Variants in MROH1 observed in about 807,000 individuals in gnomAD.
The protein encoded by MROH1 is maestro heat like repeat family member 1.
MROH1 carries 117 observed loss-of-function variants against 116.5 expected under a neutral mutation model. The ratio of observed to expected loss-of-function variants is 1.00; its 90% CI spans 0.86 to 1.17. MROH1 has a LOEUF of 1.17. Ranked by LOEUF, MROH1 falls within the 50% of genes most tolerant of loss-of-function variation. The probability of loss-of-function intolerance (pLI) is 0.00; values close to 1 mark genes in which losing one functional copy is unlikely to be tolerated. For missense variants in MROH1, 1,873 were observed against 1,338.5 expected (o/e 1.40, Z -6.23); for synonymous variants, 921 against 583.9 (o/e 1.58, Z -8.32).
At chr8:144,255,458 A>C in intron 34 of MROH1, 51 bp from the exon 35 acceptor site, 1 of 764,858 alleles carries the variant, frequency 1.3e-6, no homozygotes, top group Non-Finnish European at 2.4e-6. Flanking sequence ...CAGGGCTCAG[A>C]TCTCCTGCGG....
At chr8:144,214,277 C>G (rs892685569) in intron 12 of MROH1, 2 of 152,342 alleles carry the variant, frequency 1.3e-5, no homozygotes, top group Non-Finnish European at 2.9e-5. Context: ...CCCCTTCTTC[C>G]AGTGCAGCAC....
At chr8:144,179,859 C>A (rs1454511688) in intron 5 of MROH1, among the ~76,000 whole-genome samples, 2 of 152,150 alleles carry the variant, frequency 1.3e-5, no homozygotes, top group African/African-American at 4.8e-5. Flanking sequence ...AAGGCTGTGC[C>A]CGGCATTGGG....
intron 14 of MROH1, among the ~76,000 whole-genome samples, chr8:144,236,507 G>A (rs1336783880): frequency 2.6e-5 from 4 of 152,132 alleles, no homozygotes; most frequent in East Asian, 1.9e-4. Context: ...TTGGGAGGCC[G>A]AGGTGGGTGG....
At chr8:144,152,695 C>T (rs904727018) in intron 1 of MROH1, among the ~76,000 whole-genome samples, 31 of 152,186 alleles carry the variant, frequency 2.0e-4, no homozygotes, top group African/African-American at 1.2e-4. Flanking sequence ...TACAGGCGCC[C>T]GCCACCACAC....
At chr8:144,156,007 G>A (rs1387300186) in intron 1 of MROH1, among the ~76,000 whole-genome samples, 1 of 151,988 alleles carries the variant, frequency 6.6e-6, no homozygotes, top group East Asian at 2.0e-4. Flanking sequence ...GGGAGGCCGA[G>A]GCGGGTGGAT....
intron 12 of MROH1, among the ~76,000 whole-genome samples, chr8:144,205,418 A>G (rs2131970508): frequency 6.6e-6 from 1 of 152,194 alleles, no homozygotes; most frequent in Admixed American, 6.6e-5. Context: ...ATTGATGACT[A>G]TCTGATTTGA....
Position 144,163,944 on chromosome 8 carries a change from C to T in MROH1, c.22+96C>T. On this transcript the variant is annotated intron_variant, in intron 3 of 43. Transcript: ENST00000326134. The surrounding 1 kb of genome is among the most constrained non-coding windows in gnomAD (Gnocchi z 4.4). ...AGGCTCTTACCAGCTCCAATGGTGC[C>T]TAGAGTTTCCACCCTATACTCGGGA... 1 of 1,352,180 alleles carries T rather than the reference C, an allele frequency of 7.4e-7. No homozygotes were observed. Among genetic ancestry groups the T allele is most frequent in the South Asian group, 1.2e-5 (1 of 80,256 alleles). 83.8% of individuals were successfully genotyped at this position (1,352,180 alleles called of 1,614,324 possible). A position where few individuals can be genotyped will look rare whatever the true frequency, so the allele number is the denominator to read the frequency against.
At chr8:144,257,654 C>T (rs1844143379) in intron 35 of MROH1, among the ~76,000 whole-genome samples, 1 of 152,224 alleles carries the variant, frequency 6.6e-6, no homozygotes, top group African/African-American at 2.4e-5. Context: ...GGCCTGGCCC[C>T]CAGCTTGGCG....
Position 144,244,217 on chromosome 8 carries a change from C to T in MROH1, c.2556-5C>T, listed in dbSNP as rs1291979815. The T allele has an allele frequency of 5.6e-6, 4 of 717,362 alleles. No homozygotes were observed. The South Asian group carries it at 5.9e-5, about 11-fold the overall frequency. 44.4% of individuals were successfully genotyped at this position (717,362 alleles called of 1,614,324 possible). A position where few individuals can be genotyped will look rare whatever the true frequency, so the allele number is the denominator to read the frequency against. ...ATTGTCTGGGGCCCTTAACTTGCCTCTCAGCTCCGTGGAGCCAGCGCTGGA... is the reference window on the plus strand; with the variant it reads ...ATTGTCTGGGGCCCTTAACTTGCCTTTCAGCTCCGTGGAGCCAGCGCTGGA... On this transcript the variant is annotated splice_region_variant and splice_polypyrimidine_tract_variant and intron_variant, in intron 26 of 43. Transcript: ENST00000326134.
chr8:144,163,929 C>G lies in MROH1; in HGVS notation c.22+81C>G. The G allele has an allele frequency of 2.0e-6, 3 of 1,491,936 alleles. No individual in the cohort carries two copies. 92.4% of individuals were successfully genotyped at this position (1,491,936 alleles called of 1,614,324 possible). ...GGTCAGGGCAGGCCAAGGCTCTTAC[C>G]AGCTCCAATGGTGCCTAGAGTTTCC... On this transcript the variant is annotated intron_variant, in intron 3 of 43. Coordinates refer to ENST00000326134, the MANE Select transcript of MROH1 (RefSeq NM_032450.3). The surrounding 1 kb of genome is among the most constrained non-coding windows in gnomAD (Gnocchi z 4.4).
At chr8:144,260,562 C>T (rs1398610917) in intron 39 of MROH1, 115 bp from the exon 40 acceptor site, 7 of 760,240 alleles carry the variant, frequency 9.2e-6, no homozygotes, top group African/African-American at 1.7e-5. Flanking sequence ...CCCCACCCGT[C>T]GGGGTGTTTC....
At chr8:144,181,838 T>A (rs923645171) in intron 7 of MROH1, among the ~76,000 whole-genome samples, 1 of 151,996 alleles carries the variant, frequency 6.6e-6, no homozygotes, top group African/African-American at 2.4e-5. Context: ...CATCGCCCCT[T>A]CCCGCCACTC....
chr8:144,190,004 A>T (rs960103404), intron 7 of MROH1, among the ~76,000 whole-genome samples: 2 of 152,200 alleles, frequency 1.3e-5, no homozygotes, highest in African/African-American at 2.4e-5. Context: ...CAAGCTCAAG[A>T]TGTTGGCAGG....
At chr8:144,218,712 GTCCC>G (rs1835905954) in intron 12 of MROH1, among the ~76,000 whole-genome samples, 1 of 2,720 alleles carries the variant, frequency 3.7e-4, no homozygotes, top group Admixed American at 5.7e-3. Context: ...CTCCCCTCCT[GTCCC>G]CCCTCCCCTC....
intron 1 of MROH1, among the ~76,000 whole-genome samples, chr8:144,157,183 C>T (rs2130716954): frequency 6.6e-6 from 1 of 152,226 alleles, no homozygotes; most frequent in South Asian, 2.1e-4. Flanking sequence ...GTCTCGAACT[C>T]CTGACCTTAT....
Position 144,189,528 on chromosome 8 carries a change from G to A in MROH1, c.563-1256G>A, listed in dbSNP as rs191960883. 3.4e-3 allele frequency among the ~76,000 whole-genome samples: 521 copies of A among 152,218 alleles called. 7 individuals are homozygous for A. The highest frequency in any genetic ancestry group is 1.0e-3 in the Non-Finnish European group (71 of 68,014). Reference sequence around the variant, plus strand: ...CTCCACCCAGATGTCCATACCACTCGAAGCCTGGGTGGCCACCTGCCCAGC... The same window carrying A: ...CTCCACCCAGATGTCCATACCACTCAAAGCCTGGGTGGCCACCTGCCCAGC... On this transcript the variant is annotated intron_variant, in intron 7 of 43. Transcript: ENST00000326134.
At chr8:144,200,798 C>T in intron 12 of MROH1, 1 of 464,228 alleles carries the variant, frequency 2.2e-6, no homozygotes. Flanking sequence ...GGCCACACTC[C>T]CCAGGTGACC....
At chr8:144,257,900 C>T (rs1704706018) in intron 35 of MROH1, among the ~76,000 whole-genome samples, 8 of 152,238 alleles carry the variant, frequency 5.3e-5, no homozygotes, top group Admixed American at 2.0e-4. Context: ...TCGAGGGCAG[C>T]GGAAAGCCAC....
Position 144,261,616 on chromosome 8 carries a change from G to A in MROH1, c.4841-39G>A, listed in dbSNP as rs901937591. On this transcript the variant is annotated intron_variant, in intron 43 of 43. Coordinates refer to ENST00000326134, the MANE Select transcript of MROH1 (RefSeq NM_032450.3). ...CCACGCGCAGGCATGGGCATGCCGA[G>A]GTCACAGCCCGCAGGCAGCCCCCCT... The A allele has an allele frequency of 2.4e-5, 17 of 702,168 alleles. No homozygotes were observed. The South Asian group carries it at 2.5e-4, about 10-fold the overall frequency. 43.5% of individuals were successfully genotyped at this position (702,168 alleles called of 1,614,324 possible).
Sources: gnomAD v4.1 joint callset for allele counts (sites outside exome capture counted in the v4.1 genomes callset) on GRCh38, gnomAD v4.1.1 for gene constraint, Gnocchi (gnomAD v3.1) non-coding constraint, MANE v1.5 for transcripts, NCBI Gene and HGNC (gene_info 2026-07-23, HGNC 2026-07-21) for gene names.